MAST4: variants seen among roughly 807,000 people sequenced by gnomAD.
MAST4 encodes the protein microtubule-associated serine/threonine-protein kinase 4.
Under a neutral mutation model 162.7 loss-of-function variants are expected in MAST4, and 89 were observed. The observed-to-expected ratio is 0.55, with a 90% CI of 0.46 to 0.65. The LOEUF (loss-of-function observed/expected upper bound fraction) is 0.65. MAST4 is among the 30% of genes least tolerant of loss of function. The probability of loss-of-function intolerance (pLI) is 0.00; values close to 1 mark genes in which losing one functional copy is unlikely to be tolerated. For missense variants in MAST4, 3,153 were observed against 3,374.0 expected, an observed-to-expected ratio of 0.93 and a Z score of 1.62; for synonymous variants, 1,479 against 1,361.1, an observed-to-expected ratio of 1.09 and a Z score of -1.91.
chr5:66,934,040 G>A (rs1742453602), intron 4 of MAST4, among the ~76,000 whole-genome samples: 1 of 151,900 alleles, frequency 6.6e-6, no homozygotes, highest in Non-Finnish European at 1.5e-5. Context: ...AAACTTCTGT[G>A]TTTAACAGTT....
intron 4 of MAST4, among the ~76,000 whole-genome samples, chr5:67,035,904 G>T (rs560727681): frequency 1.4e-4 from 21 of 152,192 alleles, no homozygotes; most frequent in Admixed American, 5.9e-4. Context: ...CTATGGGGAG[G>T]CCAGACACCA....
rs536903428 is a variant in MAST4, at chr5:66,705,864, A to G, written c.364-53845A>G. 2.6e-5 allele frequency among the ~76,000 whole-genome samples: 4 copies of G among 152,280 alleles called. No individual in the cohort carries two copies. In the South Asian group the frequency reaches 8.3e-4, roughly 32 times the overall value. On this transcript the variant is annotated intron_variant, in intron 1 of 28. Transcript: ENST00000403625. ...TGTTAGGCAGTGTTTGATGGTATGT[A>G]TGTTATTTTGTGTCATTCTTTAATA...
chr5:66,838,702 A>G (rs1347861280), intron 3 of MAST4, among the ~76,000 whole-genome samples: 1 of 152,204 alleles, frequency 6.6e-6, no homozygotes, highest in Non-Finnish European at 1.5e-5. Flanking sequence ...AAGGATGAAC[A>G]GGTACTGATT....
At chr5:66,645,457 T>G (rs1745768570) in intron 1 of MAST4, among the ~76,000 whole-genome samples, 1 of 152,184 alleles carries the variant, frequency 6.6e-6, no homozygotes. Flanking sequence ...ATTTTAATAA[T>G]ATGATTAAAA....
At chr5:66,973,145 A>G (rs796206669) in intron 4 of MAST4, among the ~76,000 whole-genome samples, 19 of 152,074 alleles carry the variant, frequency 1.2e-4, no homozygotes, top group African/African-American at 4.6e-4. Flanking sequence ...CAGGCACTTC[A>G]CCCCTAAATA....
intron 3 of MAST4, among the ~76,000 whole-genome samples, chr5:66,861,048 G>GT (rs1001489398): frequency 2.0e-5 from 3 of 152,094 alleles, no homozygotes; most frequent in Non-Finnish European, 4.4e-5. Flanking sequence ...TTTCAAAGAG[G>GT]TTTGCTCAGG....
chr5:66,598,895 G>A (rs1455292388), intron 1 of MAST4, among the ~76,000 whole-genome samples: 1 of 152,204 alleles, frequency 6.6e-6, no homozygotes, highest in Non-Finnish European at 1.5e-5. Flanking sequence ...TTTGTTGGAA[G>A]TGGATATAAT....
chr5:66,845,420 C>A (rs1026767373), intron 3 of MAST4, among the ~76,000 whole-genome samples: 1 of 151,926 alleles, frequency 6.6e-6, no homozygotes, highest in African/African-American at 2.4e-5. Flanking sequence ...TTTCCAGCTT[C>A]ATGTCGCTAC....
At chr5:66,809,928 G>A (rs187570577) in intron 3 of MAST4, among the ~76,000 whole-genome samples, 4 of 152,284 alleles carry the variant, frequency 2.6e-5, no homozygotes, top group Admixed American at 1.3e-4. Flanking sequence ...TAGAGATGGG[G>A]TATACACAGT....
At chr5:67,055,630 AAGAT>A (rs1758702328) in intron 5 of MAST4, among the ~76,000 whole-genome samples, 1 of 152,196 alleles carries the variant, frequency 6.6e-6, no homozygotes, top group African/African-American at 2.4e-5. Context: ...AAAAAGGTAA[AAGAT>A]AGATAAAATT....
intron 14 of MAST4, among the ~76,000 whole-genome samples, chr5:67,123,315 TG>T (rs1767805140): frequency 6.6e-6 from 1 of 152,346 alleles, no homozygotes; most frequent in East Asian, 1.9e-4. Context: ...GCATCATACT[TG>T]GTGAAAATTC....
At chr5:66,988,285 A>G (rs182126045) in intron 4 of MAST4, among the ~76,000 whole-genome samples, 148 of 152,268 alleles carry the variant, frequency 9.7e-4, no homozygotes, top group Middle Eastern at 3.4e-3. Context: ...TCTTTTAGAG[A>G]AAAAACTTTG....
chr5:66,640,579 T>G (rs1026626225), intron 1 of MAST4, among the ~76,000 whole-genome samples: 3 of 152,198 alleles, frequency 2.0e-5, no homozygotes, highest in Non-Finnish European at 4.4e-5. Context: ...AGTGCTGGGA[T>G]TACAGGCGTG....
At chr5:66,865,457 A>G (rs1032939602) in intron 3 of MAST4, among the ~76,000 whole-genome samples, 15 of 152,266 alleles carry the variant, frequency 9.9e-5, no homozygotes, top group Non-Finnish European at 1.8e-4. Context: ...TGTATAAGGA[A>G]AAATGCATAT....
chr5:66,631,084 T>A (rs1744763250), intron 1 of MAST4, among the ~76,000 whole-genome samples: 1 of 152,198 alleles, frequency 6.6e-6, no homozygotes, highest in Non-Finnish European at 1.5e-5. Flanking sequence ...TCTTTTAATT[T>A]GTTGATTCTG....
At chr5:67,142,303 T>G in intron 20 of MAST4, 66 bp downstream of exon 20, 1 of 1,584,096 alleles carries the variant, frequency 6.3e-7, no homozygotes, top group South Asian at 1.1e-5. Flanking sequence ...TCTTTGCTTT[T>G]GAACCTTTTC....
At chr5:66,811,087 G>T (rs1347542441) in intron 3 of MAST4, among the ~76,000 whole-genome samples, 1 of 152,194 alleles carries the variant, frequency 6.6e-6, no homozygotes, top group African/African-American at 2.4e-5. Flanking sequence ...CAGAGACTTG[G>T]AGGATCTGCC....
At chr5:66,861,194 G>A (rs963326537) in intron 3 of MAST4, among the ~76,000 whole-genome samples, 2 of 152,182 alleles carry the variant, frequency 1.3e-5, no homozygotes, top group African/African-American at 4.8e-5. Flanking sequence ...GGGACCTGAA[G>A]CCCCTATCTG....
At chr5:66,658,359 C>T (rs541749070) in intron 1 of MAST4, among the ~76,000 whole-genome samples, 7 of 152,250 alleles carry the variant, frequency 4.6e-5, no homozygotes, top group East Asian at 3.9e-4. Context: ...GTTACAAAGA[C>T]GGGCCTATTT....
Sources: allele counts gnomAD v4.1 joint callset (sites outside exome capture counted in the v4.1 genomes callset), GRCh38; gene constraint gnomAD v4.1.1; transcripts MANE v1.5; gene names NCBI Gene and HGNC (gene_info 2026-07-23, HGNC 2026-07-21).